The following TTC3 variants were observed in gnomAD, a reference collection of about 807,000 sequenced individuals.
TTC3 encodes E3 ubiquitin-protein ligase TTC3.
TTC3 carries 180 observed loss-of-function variants against 249.6 expected under a neutral mutation model. The ratio of observed to expected loss-of-function variants is 0.72; its 90% CI spans 0.64 to 0.82. TTC3 has a LOEUF of 0.82. Among genes scored for constraint, TTC3 ranks in the 40% least tolerant of loss-of-function variants. TTC3 has a pLI of 0.00. For missense variants in TTC3, 2,061 were observed against 2,398.4 expected (o/e 0.86, Z 2.94); for synonymous variants, 717 against 805.0 (o/e 0.89, Z 1.85).
intron 1 of TTC3, chr21:37,082,853 A>G (rs11701556): frequency 0.51 from 492,757 of 970,766 alleles, 126,326 homozygotes; most frequent in Middle Eastern, 0.53. Flanking sequence ...GTTTGATTGT[A>G]TTATAAAAAA....
chr21:37,144,612 G>A (rs1290904449), exon 21 of TTC3: 11 of 1,611,160 alleles, frequency 6.8e-6, no homozygotes, highest in Non-Finnish European at 9.3e-6. Context: ...CGAGTAATGT[G>A]ATTATTGAAG....
intron 20 of TTC3, among the ~76,000 whole-genome samples, chr21:37,143,863 A>G (rs1330889584): frequency 1.9e-5 from 2 of 105,880 alleles, no homozygotes; most frequent in Non-Finnish European, 3.7e-5. Flanking sequence ...TCAGTGATAG[A>G]CTGGATTAAG....
In TTC3 at chr21:37,191,188, A is replaced by G. The variant is rs1157126093; in HGVS notation, c.5025-146A>G. The G allele has an allele frequency of 1.2e-5, 6 of 504,864 alleles. No homozygotes were observed. In the South Asian group the frequency reaches 2.0e-4, roughly 17 times the overall value. The allele number at this position is 504,864 out of a possible 1,614,324, so 31.3% of individuals were successfully genotyped here. A position where few individuals can be genotyped will look rare whatever the true frequency, so the allele number is the denominator to read the frequency against. Reference sequence around the variant, plus strand: ...GTGTCTCTAGTGGCAAGTTTACAAGATAAGCAATTCCTTAAAAATAGTTGG... The same window carrying G: ...GTGTCTCTAGTGGCAAGTTTACAAGGTAAGCAATTCCTTAAAAATAGTTGG... On this transcript the variant is annotated intron_variant, in intron 39 of 45. Coordinates refer to ENST00000355666, the Ensembl canonical transcript of TTC3.
chr21:37,132,830 A>T, intron 17 of TTC3, 64 bp downstream of exon 17: 2 of 1,281,198 alleles, frequency 1.6e-6, no homozygotes, highest in South Asian at 1.4e-5. Context: ...GTTCACATGA[A>T]TAAGGTTCTA....
At chr21:37,197,075 G>A (rs2084992180) in intron 42 of TTC3, among the ~76,000 whole-genome samples, 1 of 152,224 alleles carries the variant, frequency 6.6e-6, no homozygotes, top group Admixed American at 6.5e-5. Context: ...CTATGCTCAG[G>A]AATGACCTTT....
exon 40 of TTC3, chr21:37,191,348 A>T: frequency 6.3e-7 from 1 of 1,583,562 alleles, no homozygotes; most frequent in Non-Finnish European, 8.5e-7. Context: ...CCTGCAGCAT[A>T]TCCTGACATG....
intron 35 of TTC3, among the ~76,000 whole-genome samples, chr21:37,179,623 A>T (rs1464400924): frequency 6.6e-6 from 1 of 152,082 alleles, no homozygotes; most frequent in African/African-American, 2.4e-5. Flanking sequence ...ATTATCTTTT[A>T]TGCATATTTT....
chr21:37,181,683 G>C (rs2082774852), intron 35 of TTC3, among the ~76,000 whole-genome samples: 1 of 152,140 alleles, frequency 6.6e-6, no homozygotes, highest in South Asian at 2.1e-4. Context: ...AATCTTAAAG[G>C]ACCTTGACTG....
chr21:37,098,057 C>T (rs749600454), intron 10 of TTC3: 37 of 637,322 alleles, frequency 5.8e-5, no homozygotes, highest in South Asian at 5.5e-4. Flanking sequence ...GTGGATAAAC[C>T]GAGGCTATCT....
chr21:37,075,011 C>G (rs1312378742), intron 1 of TTC3, among the ~76,000 whole-genome samples: 1 of 152,114 alleles, frequency 6.6e-6, no homozygotes, highest in Non-Finnish European at 1.5e-5. Flanking sequence ...GTTCCTTCCC[C>G]TCCTTTTCTA....
chr21:37,088,039 G>T, intron 3 of TTC3, 157 bp from the exon 4 acceptor site: 1 of 928,334 alleles, frequency 1.1e-6, no homozygotes. Context: ...TAGAGTTTTT[G>T]CCAGCACTTA....
At chr21:37,098,141 T>C in intron 10 of TTC3, 1 of 464,870 alleles carries the variant, frequency 2.2e-6, no homozygotes, top group Middle Eastern at 2.9e-4. Flanking sequence ...TGACAAGAAA[T>C]GAGCTGCACA....
chr21:37,187,647 C>T (rs1049612150), intron 38 of TTC3: 2 of 152,176 alleles, frequency 1.3e-5, no homozygotes, highest in Admixed American at 1.3e-4. Flanking sequence ...TTATTTAGTT[C>T]CAGAAACATG....
At chr21:37,085,695 TTGAGG>T (rs2072368461) in intron 1 of TTC3, 1 of 152,260 alleles carries the variant, frequency 6.6e-6, no homozygotes, top group African/African-American at 2.4e-5. Flanking sequence ...ATCATGTTAG[TTGAGG>T]AGGTTGTTAA....
intron 26 of TTC3, among the ~76,000 whole-genome samples, chr21:37,152,282 A>T (rs2079539550): frequency 6.6e-6 from 1 of 152,142 alleles, no homozygotes; most frequent in African/African-American, 2.4e-5. Context: ...TCTGTGCTTA[A>T]TGACTAAACA....
At chr21:37,195,301 G>A (rs562680925) in intron 41 of TTC3, among the ~76,000 whole-genome samples, 1 of 152,296 alleles carries the variant, frequency 6.6e-6, no homozygotes, top group East Asian at 1.9e-4. Context: ...GATGGAGACA[G>A]CTCTGGGGAG....
Position 37,187,031 on chromosome 21 carries a change from T to C in TTC3, c.4827-18T>C. 6.6e-7 allele frequency: 1 copy of C among 1,511,966 alleles called. No individual in the cohort carries two copies. The highest frequency in any genetic ancestry group is 1.3e-5 in the South Asian group (1 of 76,128). 93.7% of individuals were successfully genotyped at this position (1,511,966 alleles called of 1,614,324 possible). A position where few individuals can be genotyped will look rare whatever the true frequency, so the allele number is the denominator to read the frequency against. Reference sequence around the variant, plus strand: ...AATTTTGTTCAAGAAAGTTTTTTTTTTCCTTCAATATTTGTAGCAACACAC... The same window carrying C: ...AATTTTGTTCAAGAAAGTTTTTTTTCTCCTTCAATATTTGTAGCAACACAC... On this transcript the variant is annotated intron_variant, in intron 37 of 45. Coordinates refer to ENST00000355666, the Ensembl canonical transcript of TTC3.
chr21:37,126,783 A>G (rs1158676110), intron 15 of TTC3, among the ~76,000 whole-genome samples: 1 of 152,092 alleles, frequency 6.6e-6, no homozygotes, highest in Non-Finnish European at 1.5e-5. Context: ...CGGTTCATAG[A>G]TGGCCATCTT....
At chr21:37,091,344 G>T in exon 7 of TTC3, 2 of 1,611,798 alleles carry the variant, frequency 1.2e-6, no homozygotes, top group South Asian at 2.2e-5. Flanking sequence ...TGCAGGCGAT[G>T]TAACAATTCT....
Sources: gnomAD v4.1 joint callset for allele counts (sites outside exome capture counted in the v4.1 genomes callset) on GRCh38, gnomAD v4.1.1 for gene constraint, MANE v1.5 for transcripts, NCBI Gene and HGNC (gene_info 2026-07-23, HGNC 2026-07-21) for gene names.